SOS1: variants seen among roughly 807,000 people sequenced by gnomAD.
The protein encoded by SOS1 is SOS Ras/Rac guanine nucleotide exchange factor 1.
A neutral mutation model predicts 157.6 loss-of-function variants in SOS1; 25 were observed. The ratio of observed to expected loss-of-function variants is 0.16; its 90% confidence interval spans 0.12 to 0.22. The LOEUF is 0.22. SOS1 is among the 10% of genes least tolerant of loss of function. The pLI is 1.00. For missense variants in SOS1, 1,237 were observed against 1,599.1 expected (o/e 0.77, Z 3.86); for synonymous variants, 528 against 534.0 (o/e 0.99, Z 0.16).
At position 38,987,680 on chromosome 2, in the gene SOS1, A is replaced by C. The variant is rs2290445; in HGVS notation, c.3392-89T>G. On this transcript the variant is annotated intron_variant, in intron 21 of 22. Coordinates refer to ENST00000402219, the MANE Select transcript of SOS1 (RefSeq NM_005633.4). ...AAAGTCTTAGCTGGAAATTGCTTAT[A>C]ATTAAAAGTAATGTGTAGAAATACC... 676,374 of 730,386 alleles carry C rather than the reference A, an allele frequency of 0.93. 313,814 individuals are homozygous for C. The highest frequency in any genetic ancestry group is 0.96 in the African/African-American group (55,376 of 57,644). The allele number at this position is 730,386 out of a possible 1,614,324, so 45.2% of individuals were successfully genotyped here. A position where few individuals can be genotyped will look rare whatever the true frequency, so the allele number is the denominator to read the frequency against.
At chr2:39,060,289 A>G (rs1158465036) in intron 2 of SOS1, among the ~76,000 whole-genome samples, 1 of 152,188 alleles carries the variant, frequency 6.6e-6, no homozygotes, top group African/African-American at 2.4e-5. Context: ...ACCTCAACTC[A>G]TAGTAAGAAT....
intron 20 of SOS1, 139 bp from the exon 21 acceptor site, chr2:38,989,453 CAT>C (rs1668660070): frequency 1.6e-6 from 1 of 615,188 alleles, no homozygotes; most frequent in Non-Finnish European, 3.0e-6. Context: ...AGTAAAACCT[CAT>C]TACTACTTAC....
chr2:38,987,479 T>G lies in SOS1; in HGVS notation c.3504A>C (p.Pro1168=). 6.6e-7 allele frequency: 1 copy of G among 1,521,470 alleles called. No homozygotes were observed. Among genetic ancestry groups the G allele is most frequent in the African/African-American group, 1.4e-5 (1 of 73,158 alleles). 94.2% of individuals were successfully genotyped at this position (1,521,470 alleles called of 1,614,324 possible). The change falls in exon 22 of 23, where the codon CCA becomes CCC. Residue 1168 remains proline, a synonymous_variant. Coordinates refer to ENST00000402219, the MANE Select transcript of SOS1 (RefSeq NM_005633.4). ...RPESAPAESS[P]SKIMSKHLDS... The stretch of plus-strand genomic sequence containing the variant: ...ACAAGATTTCTTACTTTACCTTAGA[T>G]GGTGAAGATTCTGCTGGGGCAGATT...
Position 39,022,696 on chromosome 2 carries a change from CA to C in SOS1, c.1731del (p.Phe577LeufsTer34), listed in dbSNP as rs1669835352. On this transcript the variant is annotated frameshift_variant, in exon 10 of 23. Transcript: ENST00000402219. LOFTEE classifies it high-confidence loss of function. Reference protein sequence around the residue: ...MRLPSADVYRFAEPDSEENII... With the variant: ...MRLPSADVYRXAEPDSEENII... ...ATATTCTCTTCAGAGTCAGGCTCTG[CA>C]AATCTATAAACATCAGCACTAGGCA... 6.2e-7 allele frequency: 1 copy of C among 1,613,452 alleles called. No individual in the cohort carries two copies. Among genetic ancestry groups the C allele is most frequent in the Non-Finnish European group, 8.5e-7 (1 of 1,179,566 alleles).
At chr2:39,011,965 G>T (rs1001878072) in intron 14 of SOS1, among the ~76,000 whole-genome samples, 161 bp downstream of exon 14, 2 of 152,160 alleles carry the variant, frequency 1.3e-5, no homozygotes, top group Non-Finnish European at 2.9e-5. Context: ...GGGACCAGGG[G>T]AGTAAAAGAA....
At chr2:39,098,776 C>T (rs983848798) in intron 1 of SOS1, among the ~76,000 whole-genome samples, 2 of 152,118 alleles carry the variant, frequency 1.3e-5, no homozygotes, top group African/African-American at 2.4e-5. Flanking sequence ...GTGGTCCCAG[C>T]TACTCAGGAG....
chr2:39,080,640 C>T (rs1042065871), intron 1 of SOS1, among the ~76,000 whole-genome samples: 10 of 151,938 alleles, frequency 6.6e-5, no homozygotes. Flanking sequence ...AACAAAAATA[C>T]TCCTATTTTT....
chr2:39,080,686 T>C (rs1324490261), intron 1 of SOS1, among the ~76,000 whole-genome samples: 12 of 152,104 alleles, frequency 7.9e-5, no homozygotes, highest in Non-Finnish European at 1.6e-4. Context: ...AACAAATAAA[T>C]TGATACAACT....
At chr2:38,999,528 T>C (rs1018344002) in intron 17 of SOS1, among the ~76,000 whole-genome samples, 2 of 152,240 alleles carry the variant, frequency 1.3e-5, no homozygotes, top group African/African-American at 2.4e-5. Flanking sequence ...TGGTTATTTC[T>C]CAGCACCTGG....
chr2:39,106,407 G>A lies in SOS1; in HGVS notation c.87+13929C>T, dbSNP rs550502743. Among the ~76,000 whole-genome samples, 335 of 151,698 alleles carry A rather than the reference G, an allele frequency of 2.2e-3. 3 individuals are homozygous for A. The highest frequency in any genetic ancestry group is 7.7e-3 in the African/African-American group (319 of 41,338). ...AGATCGAGACCATCCCGGCTAAAAC[G>A]GTGAAACCCCGTCTCTACTAAAAAT... On this transcript the variant is annotated intron_variant, in intron 1 of 22. Coordinates refer to ENST00000402219, the MANE Select transcript of SOS1 (RefSeq NM_005633.4).
rs553448375 is a variant in SOS1, at chr2:39,056,693, G to C, written c.510+9C>G. 2.1e-5 allele frequency: 34 copies of C among 1,584,072 alleles called. No individual in the cohort carries two copies. The East Asian group carries it at 7.4e-4, about 34-fold the overall frequency. On this transcript the variant is annotated intron_variant, in intron 4 of 22. Coordinates refer to ENST00000402219, the MANE Select transcript of SOS1 (RefSeq NM_005633.4). ...CTTAAGAAAAAAATAGAAAAGCTCA[G>C]TTTCCTACCTTGTCAGCACACATTG... is the stretch of plus-strand genomic sequence containing the variant.
intron 8 of SOS1, among the ~76,000 whole-genome samples, chr2:39,026,708 CATT>C (rs1411737794): frequency 1.3e-5 from 2 of 152,166 alleles, no homozygotes; most frequent in African/African-American, 2.4e-5. Flanking sequence ...TACCATTAAA[CATT>C]ATCAAGTTTA....
chr2:39,123,814 G>T (rs1673980104), upstream of SOS1, among the ~76,000 whole-genome samples: 1 of 152,204 alleles, frequency 6.6e-6, no homozygotes, highest in East Asian at 1.9e-4. Flanking sequence ...GTTGTTTCCA[G>T]AAAACGGGCG....
intron 22 of SOS1, among the ~76,000 whole-genome samples, chr2:38,987,074 A>T (rs1423288056): frequency 6.6e-6 from 1 of 152,164 alleles, no homozygotes; most frequent in Non-Finnish European, 1.5e-5. Context: ...AGTATGTCAG[A>T]TTTACTATTA....
chr2:39,085,074 TC>T (rs1236184460), intron 1 of SOS1, among the ~76,000 whole-genome samples: 2 of 152,132 alleles, frequency 1.3e-5, no homozygotes, highest in African/African-American at 2.4e-5. Context: ...TGAGACAGGG[TC>T]TTACTCTGTC....
intron 4 of SOS1, among the ~76,000 whole-genome samples, 171 bp from the exon 5 acceptor site, chr2:39,054,994 G>C (rs1021909313): frequency 2.0e-5 from 3 of 152,104 alleles, no homozygotes; most frequent in African/African-American, 7.2e-5. Context: ...CTCTAAAACA[G>C]AATTCAACAT....
intron 20 of SOS1, chr2:38,992,263 T>G (rs1224761213): frequency 7.4e-6 from 1 of 134,734 alleles, no homozygotes; most frequent in African/African-American, 2.8e-5. Flanking sequence ...TTTAAGGGAT[T>G]AGCAGAACAC....
intron 6 of SOS1, among the ~76,000 whole-genome samples, chr2:39,039,218 A>T (rs1275341556): frequency 6.6e-6 from 1 of 152,262 alleles, no homozygotes; most frequent in Non-Finnish European, 1.5e-5. Context: ...GTAAGCCAAA[A>T]AAATAGTGAC....
intron 8 of SOS1, among the ~76,000 whole-genome samples, chr2:39,028,809 A>G (rs1670060396): frequency 1.3e-5 from 2 of 152,240 alleles, no homozygotes; most frequent in Non-Finnish European, 2.9e-5. Context: ...AATATTATAT[A>G]CATAGAGCTC....
Sources: allele counts gnomAD v4.1 joint callset (sites outside exome capture counted in the v4.1 genomes callset), GRCh38; gene constraint gnomAD v4.1.1; transcripts MANE v1.5; gene names NCBI Gene and HGNC (gene_info 2026-07-23, HGNC 2026-07-21).